ANKRD30B: variants seen among roughly 807,000 people sequenced by gnomAD.
The protein encoded by ANKRD30B is ankyrin repeat domain-containing protein 30B.
A neutral mutation model predicts 202.2 loss-of-function variants in ANKRD30B; 144 were observed. That is an observed-to-expected ratio of 0.71 (90% CI 0.62 to 0.82). The LOEUF (loss-of-function observed/expected upper bound fraction) is 0.82, where lower values mean the gene tolerates loss of function less well. Ranked by LOEUF, ANKRD30B falls within the 40% of genes least tolerant of loss-of-function variation. The pLI is 0.00. For synonymous variants in ANKRD30B, 508 were observed against 561.3 expected (o/e 0.91, Z 1.34); for missense variants, 1,487 against 1,669.1 (o/e 0.89, Z 1.90).
Position 14,831,395 on chromosome 18 carries a change from A to G in ANKRD30B, c.2787A>G (p.Lys929=), listed in dbSNP as rs2143090693. 6.6e-7 allele frequency: 1 copy of G among 1,526,220 alleles called. No individual in the cohort carries two copies. Among genetic ancestry groups the G allele is most frequent in the East Asian group, 2.5e-5 (1 of 40,666 alleles). The allele number at this position is 1,526,220 out of a possible 1,614,324, so 94.5% of individuals were successfully genotyped here. A position where few individuals can be genotyped will look rare whatever the true frequency, so the allele number is the denominator to read the frequency against. Residue 929 remains lysine (K), a synonymous_variant, in exon 34 of 44, where the codon AAA becomes AAG. Transcript: ENST00000690538. ...CTTTTTTCTCTAGTCTTTTTGGCAAACCGACTACTGAAAATTCACAGTCTA... is the reference window on the plus strand; with the variant it reads ...CTTTTTTCTCTAGTCTTTTTGGCAAGCCGACTACTGAAAATTCACAGTCTA... ...SVESTFSLFG[K]PTTENSQSTK...
the ANKRD30B span, among the ~76,000 whole-genome samples, chr18:14,903,916 T>C: frequency 6.6e-6 from 1 of 152,238 alleles, no homozygotes; most frequent in Non-Finnish European, 1.5e-5. Flanking sequence ...ACCAGATACC[T>C]GTGTAAGCTA....
chr18:14,764,487 G>C (rs1486582169), intron 7 of ANKRD30B, among the ~76,000 whole-genome samples: 1 of 152,074 alleles, frequency 6.6e-6, no homozygotes, highest in Non-Finnish European at 1.5e-5. Flanking sequence ...TGCGTCTCCT[G>C]GGTTCATGCA....
chr18:14,829,259 T>G (rs1970800399), intron 33 of ANKRD30B, among the ~76,000 whole-genome samples: 1 of 152,162 alleles, frequency 6.6e-6, no homozygotes, highest in Non-Finnish European at 1.5e-5. Flanking sequence ...CTATTTAATA[T>G]CCTGGAAAAA....
At chr18:14,901,555 G>GTT in the ANKRD30B span, among the ~76,000 whole-genome samples, 58,143 of 148,308 alleles carry the variant, frequency 0.39, 11,426 homozygotes, top group African/African-American at 0.45. Context: ...TCAAGACAAA[G>GTT]TTTTTTTTTT....
the ANKRD30B span, among the ~76,000 whole-genome samples, chr18:14,900,906 G>A: frequency 6.6e-6 from 1 of 152,168 alleles, no homozygotes; most frequent in African/African-American, 2.4e-5. Context: ...ATGTTTTTGT[G>A]GAGCAGAGTT....
At chr18:14,805,130 G>A (rs1337916042) in intron 24 of ANKRD30B, among the ~76,000 whole-genome samples, 2 of 150,456 alleles carry the variant, frequency 1.3e-5, no homozygotes, top group African/African-American at 2.5e-5. Flanking sequence ...TAGAATGTAA[G>A]AACCTTGGCT....
intron 32 of ANKRD30B, among the ~76,000 whole-genome samples, chr18:14,825,693 C>T (rs1333686722): frequency 3.3e-5 from 5 of 152,076 alleles, no homozygotes; most frequent in East Asian, 1.9e-4. Context: ...CCACTTTGTC[C>T]GATCCCCTAC....
intron 3 of ANKRD30B, among the ~76,000 whole-genome samples, 197 bp from the exon 4 acceptor site, chr18:14,754,702 T>G (rs1318792388): frequency 2.0e-5 from 3 of 152,152 alleles, no homozygotes; most frequent in Non-Finnish European, 2.9e-5. Context: ...AATGTGGTGA[T>G]GCAGAGGCTG....
chr18:14,785,277 T>G (rs1292110557), intron 14 of ANKRD30B, among the ~76,000 whole-genome samples: 2 of 152,228 alleles, frequency 1.3e-5, no homozygotes, highest in Admixed American at 1.3e-4. Context: ...TTTCAACTTC[T>G]AATGTATACA....
chr18:14,785,882 C>G (rs1403611416), intron 14 of ANKRD30B, among the ~76,000 whole-genome samples: 1 of 151,728 alleles, frequency 6.6e-6, no homozygotes, highest in Non-Finnish European at 1.5e-5. Context: ...ACTAAAAATA[C>G]AAAAAATTAG....
chr18:14,781,013 C>G (rs1286924633), intron 11 of ANKRD30B, among the ~76,000 whole-genome samples: 1 of 152,250 alleles, frequency 6.6e-6, no homozygotes, highest in Non-Finnish European at 1.5e-5. Context: ...AAGTGTCTGA[C>G]CTCTTACATC....
the ANKRD30B span, among the ~76,000 whole-genome samples, chr18:14,864,325 A>T: frequency 1.6e-3 from 251 of 152,228 alleles, 1 homozygote; most frequent in Non-Finnish European, 3.1e-3. Flanking sequence ...ACAGAGCAGG[A>T]CTCCGTCTCA....
chr18:14,873,835 G>A, the ANKRD30B span, among the ~76,000 whole-genome samples: 2 of 152,174 alleles, frequency 1.3e-5, no homozygotes, highest in African/African-American at 4.8e-5. Flanking sequence ...GCAAGTAGCA[G>A]TAGAGCCGAG....
At chr18:14,797,957 A>G (rs34460506) in intron 20 of ANKRD30B, 103 bp downstream of exon 20, 87 of 1,131,956 alleles carry the variant, frequency 7.7e-5, no homozygotes, top group East Asian at 6.0e-4. Flanking sequence ...TGAAAATTTG[A>G]TGGGAAAATT....
At chr18:14,809,491 G>C (rs35853799) in intron 26 of ANKRD30B, among the ~76,000 whole-genome samples, 1 of 150,834 alleles carries the variant, frequency 6.6e-6, no homozygotes, top group Non-Finnish European at 1.5e-5. Context: ...GAGCCATGGC[G>C]AGATGAGGGC....
chr18:14,873,952 C>T, the ANKRD30B span, among the ~76,000 whole-genome samples: 4 of 152,160 alleles, frequency 2.6e-5, no homozygotes, highest in Non-Finnish European at 4.4e-5. Context: ...TGGGGAAACA[C>T]CCGGCATGGC....
At chr18:14,751,350 T>C (rs1305209580) in intron 1 of ANKRD30B, among the ~76,000 whole-genome samples, 1 of 152,112 alleles carries the variant, frequency 6.6e-6, no homozygotes. Flanking sequence ...TGGATGCCTA[T>C]TATGTAGAAG....
chr18:14,873,025 A>G, the ANKRD30B span, among the ~76,000 whole-genome samples: 1 of 152,086 alleles, frequency 6.6e-6, no homozygotes, highest in African/African-American at 2.4e-5. Context: ...ACCAGAATAT[A>G]TAATTGAAAG....
intron 32 of ANKRD30B, among the ~76,000 whole-genome samples, chr18:14,824,289 A>C (rs954218819): frequency 6.6e-6 from 1 of 152,226 alleles, no homozygotes; most frequent in African/African-American, 2.4e-5. Flanking sequence ...TGAAGTGGGA[A>C]TATTTACTGC....
Sources: gnomAD v4.1 joint callset for allele counts (sites outside exome capture counted in the v4.1 genomes callset) on GRCh38, gnomAD v4.1.1 for gene constraint, MANE v1.5 for transcripts, NCBI Gene and HGNC (gene_info 2026-07-23, HGNC 2026-07-21) for gene names.